DNAJC24: variants seen among roughly 807,000 people sequenced by gnomAD.
DNAJC24 encodes the protein dnaJ homolog subfamily C member 24.
In DNAJC24, 17 loss-of-function variants were observed where a neutral mutation model predicts 18.0. That is an observed-to-expected ratio of 0.94 (90% CI 0.65 to 1.42). The LOEUF (loss-of-function observed/expected upper bound fraction) is 1.42. Among genes scored for constraint, DNAJC24 ranks in the 40% most tolerant of loss-of-function variants. DNAJC24 has a pLI of 0.00. For missense variants in DNAJC24, 158 were observed against 175.6 expected (o/e 0.90, Z 0.57); for synonymous variants, 55 against 57.7 (o/e 0.95, Z 0.21).
intron 4 of DNAJC24, chr11:31,427,367 A>C (rs966004724): frequency 2.0e-5 from 3 of 152,014 alleles, no homozygotes; most frequent in Non-Finnish European, 4.4e-5. Context: ...AATTCAGTGA[A>C]TAATTGGAAA....
intron 2 of DNAJC24, among the ~76,000 whole-genome samples, chr11:31,383,190 A>AT (rs745872347): frequency 1.3e-5 from 2 of 151,864 alleles, no homozygotes; most frequent in Middle Eastern, 3.4e-3. Context: ...GGCATACTTG[A>AT]TTAAATCAGT....
intron 2 of DNAJC24, among the ~76,000 whole-genome samples, chr11:31,395,524 C>T (rs1248921906): frequency 6.6e-6 from 1 of 152,128 alleles, no homozygotes; most frequent in Non-Finnish European, 1.5e-5. Context: ...AGTGTATAAG[C>T]ATCCATTATT....
chr11:31,393,176 G>A (rs957433225), intron 2 of DNAJC24, among the ~76,000 whole-genome samples: 4 of 152,156 alleles, frequency 2.6e-5, no homozygotes, highest in African/African-American at 9.7e-5. Flanking sequence ...ATCCTACCTT[G>A]CTTCTCTTTC....
At chr11:31,423,514 GC>G (rs1364987395) in intron 3 of DNAJC24, among the ~76,000 whole-genome samples, 1 of 152,174 alleles carries the variant, frequency 6.6e-6, no homozygotes, top group East Asian at 1.9e-4. Context: ...ACCCGCCTCG[GC>G]CTCCCAGAGT....
intron 2 of DNAJC24, among the ~76,000 whole-genome samples, chr11:31,387,863 C>T (rs568600288): frequency 5.9e-5 from 9 of 152,072 alleles, no homozygotes; most frequent in African/African-American, 9.6e-5. Flanking sequence ...TTTAAGATAA[C>T]GCAGAGAAGC....
chr11:31,383,751 A>G (rs1449877223), intron 2 of DNAJC24, among the ~76,000 whole-genome samples: 2 of 152,266 alleles, frequency 1.3e-5, no homozygotes, highest in South Asian at 4.1e-4. Context: ...AAGGGCCAGC[A>G]TATGCCATAA....
intron 2 of DNAJC24, among the ~76,000 whole-genome samples, chr11:31,392,753 A>G (rs1408411662): frequency 7.3e-6 from 1 of 137,390 alleles, no homozygotes; most frequent in Admixed American, 8.0e-5. Context: ...TCCGTCACCC[A>G]GGCTTGAGCA....
chr11:31,383,084 T>A (rs895116660), intron 2 of DNAJC24, among the ~76,000 whole-genome samples: 1 of 152,158 alleles, frequency 6.6e-6, no homozygotes, highest in South Asian at 2.1e-4. Flanking sequence ...AAGCTGTGGA[T>A]TTGGAGTGCA....
At chr11:31,389,655 G>C (rs1056933495) in intron 2 of DNAJC24, among the ~76,000 whole-genome samples, 23 of 152,090 alleles carry the variant, frequency 1.5e-4, no homozygotes, top group African/African-American at 5.3e-4. Context: ...TAGACCAAAT[G>C]GACCTACCTG....
At chr11:31,421,710 CAA>C (rs1401949218) in intron 3 of DNAJC24, among the ~76,000 whole-genome samples, 2 of 151,792 alleles carry the variant, frequency 1.3e-5, no homozygotes, top group African/African-American at 2.4e-5. Flanking sequence ...AGGCATGAAA[CAA>C]AGAGTTGTTT....
intron 2 of DNAJC24, among the ~76,000 whole-genome samples, chr11:31,410,552 A>T (rs1952698750): frequency 6.6e-6 from 1 of 152,196 alleles, no homozygotes; most frequent in Non-Finnish European, 1.5e-5. Flanking sequence ...TCAGTTTATC[A>T]GTTTTGTGTT....
chr11:31,387,779 A>G (rs1225353529), intron 2 of DNAJC24, among the ~76,000 whole-genome samples: 1 of 152,224 alleles, frequency 6.6e-6, no homozygotes, highest in Non-Finnish European at 1.5e-5. Context: ...ATAAGGCAAC[A>G]GTGGCCAATG....
chr11:31,404,423 G>T (rs915695579), intron 2 of DNAJC24, among the ~76,000 whole-genome samples: 1 of 152,014 alleles, frequency 6.6e-6, no homozygotes, highest in African/African-American at 2.4e-5. Context: ...TACTTCTCAG[G>T]GCTAGCTGAG....
At position 31,375,341 on chromosome 11, in the gene DNAJC24, C is replaced by A. The variant is rs1328625360; in HGVS notation, c.111+4482C>A. 3.0e-5 allele frequency among the ~76,000 whole-genome samples: 4 copies of A among 135,336 alleles called. 1 individual carries two copies. The highest frequency in any genetic ancestry group is 6.8e-5 in the Non-Finnish European group (4 of 58,590). The allele number at this position is 135,336 out of a possible 152,430, so 88.8% of individuals were successfully genotyped here. A position where few individuals can be genotyped will look rare whatever the true frequency, so the allele number is the denominator to read the frequency against. On this transcript the variant is annotated intron_variant, in intron 2 of 4. Coordinates refer to ENST00000465995, the MANE Select transcript of DNAJC24 (RefSeq NM_181706.5). ...AAAATGATCTTAGTTGTAATCGTGC[C>A]TCCCCAGCTCCCTGCCATGTCTTTA...
At chr11:31,403,701 A>G (rs979960677) in intron 2 of DNAJC24, among the ~76,000 whole-genome samples, 1 of 152,136 alleles carries the variant, frequency 6.6e-6, no homozygotes, top group Non-Finnish European at 1.5e-5. Context: ...GTACCAGCAG[A>G]TTCATTTGGT....
At chr11:31,370,576 T>C (rs1161059633) in intron 1 of DNAJC24, 140 bp from the exon 2 acceptor site, 1 of 453,788 alleles carries the variant, frequency 2.2e-6, no homozygotes, top group Non-Finnish European at 4.0e-6. Flanking sequence ...GCATTTTAAA[T>C]GAAAATCTGT....
At chr11:31,427,459 C>T (rs1952873316) in intron 4 of DNAJC24, 1 of 151,892 alleles carries the variant, frequency 6.6e-6, no homozygotes, top group Non-Finnish European at 1.5e-5. Context: ...GAAAACAATA[C>T]ACTAGTGATA....
intron 2 of DNAJC24, among the ~76,000 whole-genome samples, chr11:31,378,844 T>G (rs1218103877): frequency 6.6e-6 from 1 of 152,200 alleles, no homozygotes; most frequent in Middle Eastern, 3.2e-3. Context: ...TGTGGAAACC[T>G]GAGTTCTTAT....
chr11:31,424,821 G>GT (rs1166286268), intron 3 of DNAJC24, among the ~76,000 whole-genome samples: 9 of 151,948 alleles, frequency 5.9e-5, no homozygotes, highest in African/African-American at 1.7e-4. Context: ...AATAAATTTT[G>GT]AACAGGCAGT....
Sources: gnomAD v4.1 joint callset for allele counts (sites outside exome capture counted in the v4.1 genomes callset) on GRCh38, gnomAD v4.1.1 for gene constraint, MANE v1.5 for transcripts, NCBI Gene and HGNC (gene_info 2026-07-23, HGNC 2026-07-21) for gene names.